Variants in BAG6 observed in about 807,000 individuals in gnomAD.
BAG6 encodes large proline-rich protein BAG6.
A neutral mutation model predicts 121.0 loss-of-function variants in BAG6; 22 were observed. The observed-to-expected ratio is 0.18, with a 90% CI of 0.13 to 0.26. The LOEUF (loss-of-function observed/expected upper bound fraction) is 0.26. BAG6 is among the 10% of genes least tolerant of loss of function. The pLI is 1.00. For synonymous variants in BAG6, 583 were observed against 584.6 expected, an observed-to-expected ratio of 1.00 and a Z score of 0.04; for missense variants, 1,233 against 1,537.7, an observed-to-expected ratio of 0.80 and a Z score of 3.31.
Position 31,643,021 on chromosome 6 carries a change from A to T in BAG6, c.1851T>A (p.Ala617=), listed in dbSNP as rs777048438. The change falls in exon 15 of 26, where the codon GCT becomes GCA. Residue 617 remains alanine (A), a synonymous_variant. Transcript: ENST00000676615. The part of the protein sequence containing the change: ...TTNTATTAGP[A]PGGPAQPPPT... ...GTGGAGGCTGGGCAGGCCCCCCAGGAGCGGGGCCAGCTGTGGTAGCTGTGT... is the reference window on the plus strand; with the variant it reads ...GTGGAGGCTGGGCAGGCCCCCCAGGTGCGGGGCCAGCTGTGGTAGCTGTGT... 1 of 1,589,300 alleles carries T rather than the reference A, an allele frequency of 6.3e-7. No individual in the cohort carries two copies. Among genetic ancestry groups the T allele is most frequent in the South Asian group, 1.1e-5 (1 of 87,498 alleles).
chr6:31,651,602 G>A lies in BAG6; in HGVS notation c.108+54C>T, dbSNP rs1796835117. 2.7e-6 allele frequency: 4 copies of A among 1,480,574 alleles called. No individual in the cohort carries two copies. The African/African-American group carries it at 4.2e-5, about 15-fold the overall frequency. 91.7% of individuals were successfully genotyped at this position (1,480,574 alleles called of 1,614,324 possible). ...ATCAAGCTCATCTCTCAGGCTAAGG[G>A]GCCTAAACGAGGAAAAGCTAAAGGT... On this transcript the variant is annotated intron_variant, in intron 2 of 25. Transcript: ENST00000676615.
chr6:31,640,582 C>A lies in BAG6; in HGVS notation c.2995-54G>T. 1.9e-6 allele frequency: 3 copies of A among 1,612,652 alleles called. No homozygotes were observed. Among genetic ancestry groups the A allele is most frequent in the Non-Finnish European group, 2.5e-6 (3 of 1,179,724 alleles). ...GCTTCAGAATTTTTAGCCTCCAAACCTTTCTCCCCCAGCCCTCCACTCCAC... is the reference window on the plus strand; with the variant it reads ...GCTTCAGAATTTTTAGCCTCCAAACATTTCTCCCCCAGCCCTCCACTCCAC... On this transcript the variant is annotated intron_variant, in intron 22 of 25. Coordinates refer to ENST00000676615, the MANE Select transcript of BAG6 (RefSeq NM_001387994.1). This position sits in a 1 kb window ranked among gnomAD's most constrained non-coding sequence, Gnocchi z 4.2.
chr6:31,639,871 C>T, intron 24 of BAG6: 2 of 664,778 alleles, frequency 3.0e-6, no homozygotes, highest in East Asian at 2.8e-5. Flanking sequence ...CTCTTCAAAA[C>T]GAAAGGCAGA....
chr6:31,640,552 G>C lies in BAG6; in HGVS notation c.2995-24C>G. 2 of 1,612,626 alleles carry C rather than the reference G, an allele frequency of 1.2e-6. No individual in the cohort carries two copies. The highest frequency in any genetic ancestry group is 2.2e-5 in the East Asian group (1 of 44,872). ...CGCTGGGTGTCAGATGGCGGGAAGA[G>C]CCAGGCTTCAGAATTTTTAGCCTCC... On this transcript the variant is annotated intron_variant, in intron 22 of 25. Coordinates refer to ENST00000676615, the MANE Select transcript of BAG6 (RefSeq NM_001387994.1). The surrounding 1 kb of genome is among the most constrained non-coding windows in gnomAD (Gnocchi z 4.2).
chr6:31,639,700 AC>A (rs553408964), intron 24 of BAG6, 54 bp from the exon 25 acceptor site: 4 of 1,558,498 alleles, frequency 2.6e-6, no homozygotes, highest in Non-Finnish European at 3.5e-6. Context: ...ATCCAGTGCC[AC>A]CATCCGGCTC....
In BAG6 at chr6:31,651,653, C is replaced by T; in HGVS notation, c.108+3G>A. ...GTCTTCCAGAACTAGTGAGGTGTCT[C>T]ACCTGGGCCCCCACAATAAAGGTAC... is the stretch of plus-strand genomic sequence containing the variant. On this transcript the variant is annotated splice_donor_region_variant and intron_variant, in intron 2 of 25. Transcript: ENST00000676615. 1 of 1,612,828 alleles carries T rather than the reference C, an allele frequency of 6.2e-7. No homozygotes were observed. Among genetic ancestry groups the T allele is most frequent in the Non-Finnish European group, 8.5e-7 (1 of 1,179,796 alleles).
rs944379718 is a variant in BAG6, at chr6:31,646,413, G to A, written c.899C>T (p.Thr300Ile). The A allele has an allele frequency of 6.2e-7, 1 of 1,612,834 alleles. No homozygotes were observed. The highest frequency in any genetic ancestry group is 1.3e-5 in the African/African-American group (1 of 74,916). The change falls in exon 8 of 26, where the codon ACC becomes ATC. Residue 300 changes from threonine to isoleucine, a missense_variant. Coordinates refer to ENST00000676615, the MANE Select transcript of BAG6 (RefSeq NM_001387994.1). ...GCTCACATTGTTATTGTAGTCCGTG[G>A]TGGCAGCAGCACCCAGAACCTCGTA... ...RYYEVLGAAA[T>I]TDYNNNHEGR...
chr6:31,645,353 G>A, intron 9 of BAG6, 54 bp downstream of exon 9: 4 of 1,612,184 alleles, frequency 2.5e-6, no homozygotes, highest in Non-Finnish European at 3.4e-6. Flanking sequence ...GCTACCCTGG[G>A]TCACTCTATC....
intron 2 of BAG6, 84 bp from the exon 3 acceptor site, chr6:31,649,711 G>A: frequency 2.4e-6 from 3 of 1,234,754 alleles, no homozygotes; most frequent in Non-Finnish European, 3.5e-6. Context: ...GTGGAGGTGA[G>A]GGGTAAAAAC....
Position 31,644,192 on chromosome 6 carries a change from G to C in BAG6, c.1558C>G (p.Gln520Glu), listed in dbSNP as rs748209287. Residue 520 changes from glutamine (Q) to glutamate (E), a missense_variant and splice_region_variant, in exon 13 of 26, where the codon CAG (glutamine) becomes GAG (glutamate). Gln to Glu is a conservative substitution (Grantham distance 29). Coordinates refer to ENST00000676615, the MANE Select transcript of BAG6 (RefSeq NM_001387994.1). The surrounding 1 kb of genome is among the most constrained non-coding windows in gnomAD (Gnocchi z 4.9). Reference sequence around the variant, plus strand: ...GCTGTTGGGAAGCCTGGCACCTGCTGTCCTGTGGGTGGCAGAAGAGACAGA... The same window carrying C: ...GCTGTTGGGAAGCCTGGCACCTGCTCTCCTGTGGGTGGCAGAAGAGACAGA... ...VAAVASAAAG[Q>E]QVPGFPTAPT... The C allele has an allele frequency of 1.4e-5, 23 of 1,612,728 alleles. No individual in the cohort carries two copies. The highest frequency in any genetic ancestry group is 1.9e-5 in the Non-Finnish European group (22 of 1,179,604).
Position 31,644,251 on chromosome 6 carries a change from C to T in BAG6, c.1555+56G>A, listed in dbSNP as rs1351797859. 1.9e-6 allele frequency: 3 copies of T among 1,569,588 alleles called. No individual in the cohort carries two copies. The highest frequency in any genetic ancestry group is 2.6e-6 in the Non-Finnish European group (3 of 1,157,364). The stretch of plus-strand genomic sequence containing the variant: ...GGCTGAGGGCCAGGCCCTTGCCAGC[C>T]AGCTGCCACCATGGACTGTGCCCTA... On this transcript the variant is annotated intron_variant, in intron 12 of 25. Transcript: ENST00000676615. The surrounding 1 kb of genome is among the most constrained non-coding windows in gnomAD (Gnocchi z 4.9).
Position 31,644,618 on chromosome 6 carries a change from G to C in BAG6, c.1370-16C>G, listed in dbSNP as rs764367280. ...GTGCCAGAATCTGGGCAGGGAGACA[G>C]AGACAGTGGCCCTGAGGTAGGTAGG... On this transcript the variant is annotated splice_polypyrimidine_tract_variant and intron_variant, in intron 10 of 25. Transcript: ENST00000676615. This position sits in a 1 kb window ranked among gnomAD's most constrained non-coding sequence, Gnocchi z 4.9. The C allele has an allele frequency of 9.9e-6, 16 of 1,611,978 alleles. No homozygotes were observed. Among genetic ancestry groups the C allele is most frequent in the African/African-American group, 1.3e-5 (1 of 75,002 alleles).
At position 31,640,294 on chromosome 6, in the gene BAG6, T is replaced by C; in HGVS notation, c.3151A>G (p.Ile1051Val). The stretch of plus-strand genomic sequence containing the variant: ...TGGCTCTGAATGTCCTGCTGGATAA[T>C]AGGGACCCATTCCTGGGGAGGAAAA... ...AAAVPPEWVP[I>V]IQQDIQSQRK... The change falls in exon 24 of 26, where the codon ATT becomes GTT. Residue 1051 changes from isoleucine (I) to valine (V), a missense_variant. Physicochemically the swap from Ile to Val is conservative, Grantham distance 29. Coordinates refer to ENST00000676615, the MANE Select transcript of BAG6 (RefSeq NM_001387994.1). This position sits in a 1 kb window ranked among gnomAD's most constrained non-coding sequence, Gnocchi z 4.2. 2 of 1,614,158 alleles carry C rather than the reference T, an allele frequency of 1.2e-6. No individual in the cohort carries two copies. Among genetic ancestry groups the C allele is most frequent in the African/African-American group, 1.3e-5 (1 of 75,022 alleles).
At chr6:31,648,221 G>A (rs1354134641) in intron 6 of BAG6, among the ~76,000 whole-genome samples, 1 of 152,062 alleles carries the variant, frequency 6.6e-6, no homozygotes, top group Non-Finnish European at 1.5e-5. Context: ...TCACCATGTT[G>A]GCCAGGCTGG....
At chr6:31,647,332 G>A (rs893181826) in intron 7 of BAG6, among the ~76,000 whole-genome samples, 2 of 152,164 alleles carry the variant, frequency 1.3e-5, no homozygotes, top group African/African-American at 2.4e-5. Context: ...GCAGGCCTTC[G>A]TGAACTCAGA....
chr6:31,646,046 T>A (rs776601695), intron 8 of BAG6, among the ~76,000 whole-genome samples: 1 of 152,180 alleles, frequency 6.6e-6, no homozygotes, highest in South Asian at 2.1e-4. Flanking sequence ...AGTGCAGTAG[T>A]GCAATCTCGG....
rs1255835579 is a variant in BAG6 at position 31,649,244 on chromosome 6, G to A, written c.378C>T (p.Asp126=). The A allele has an allele frequency of 1.9e-6, 3 of 1,613,070 alleles. No individual in the cohort carries two copies. Among genetic ancestry groups the A allele is most frequent in the South Asian group, 2.2e-5 (2 of 91,086 alleles). ...CCATGACATAGCTGTTGGCATTCCG[G>A]TCATGAACAGAGGCCCCAGGCCCCC... ...GTRGPGASVH[D]RNANSYVMVG... is the part of the protein sequence containing the mutation. Residue 126 remains aspartate, a synonymous_variant, in exon 4 of 26, where the codon GAC becomes GAT. Transcript: ENST00000676615.
chr6:31,644,954 T>C lies in BAG6; in HGVS notation c.1361A>G (p.Asn454Ser). Residue 454 changes from asparagine (N) to serine (S), a missense_variant, in exon 10 of 26, where the codon AAC becomes AGC. Coordinates refer to ENST00000676615, the MANE Select transcript of BAG6 (RefSeq NM_001387994.1). The surrounding 1 kb of genome is among the most constrained non-coding windows in gnomAD (Gnocchi z 4.9). Reference sequence around the variant, plus strand: ...CCAGCAACTATTCTCACCTTGAATGTTCATGTGCATCATGACCACGGGTTC... The same window carrying C: ...CCAGCAACTATTCTCACCTTGAATGCTCATGTGCATCATGACCACGGGTTC... Reference protein sequence around the residue: ...SVEPVVMMHMNIQDSGTQPGG... With the variant: ...SVEPVVMMHMSIQDSGTQPGG... 1 of 1,582,838 alleles carries C rather than the reference T, an allele frequency of 6.3e-7. No individual in the cohort carries two copies. Among genetic ancestry groups the C allele is most frequent in the African/African-American group, 1.3e-5 (1 of 74,326 alleles).
intron 14 of BAG6, 43 bp downstream of exon 14, chr6:31,643,847 G>A (rs186297432): frequency 2.5e-6 from 4 of 1,596,794 alleles, no homozygotes; most frequent in East Asian, 4.5e-5. Context: ...GAGCAGACTA[G>A]GAAAGGAGTT....
Sources: gnomAD v4.1 joint callset for allele counts (sites outside exome capture counted in the v4.1 genomes callset) on GRCh38, gnomAD v4.1.1 for gene constraint, Gnocchi (gnomAD v3.1) non-coding constraint, MANE v1.5 for transcripts, NCBI Gene and HGNC (gene_info 2026-07-23, HGNC 2026-07-21) for gene names.